Variants in MGAM observed in about 807,000 individuals in gnomAD.
The protein encoded by MGAM is maltase-glucoamylase.
MGAM carries 253 observed loss-of-function variants against 358.8 expected under a neutral mutation model. That is an observed-to-expected ratio of 0.71 (90% CI 0.64 to 0.78). The LOEUF (loss-of-function observed/expected upper bound fraction) is 0.78, where lower values mean the gene tolerates loss of function less well. Ranked by LOEUF, MGAM falls within the 30% of genes least tolerant of loss-of-function variation. MGAM has a pLI of 0.00. For missense variants in MGAM, 3,080 were observed against 3,432.6 expected (o/e 0.90, Z 2.57); for synonymous variants, 1,105 against 1,227.1 (o/e 0.90, Z 2.08).
chr7:142,046,037 A>G (rs1322104190), intron 21 of MGAM, among the ~76,000 whole-genome samples: 2 of 108,528 alleles, frequency 1.8e-5, no homozygotes, highest in African/African-American at 4.8e-5. Context: ...TGTAATATAT[A>G]TTATATATAC....
chr7:142,027,128 G>T lies in MGAM; in HGVS notation c.996G>T (p.Gln332His). 2.5e-6 allele frequency: 4 copies of T among 1,613,164 alleles called. No individual in the cohort carries two copies. Among genetic ancestry groups the T allele is most frequent in the Non-Finnish European group, 3.4e-6 (4 of 1,179,252 alleles). Residue 332 changes from glutamine to histidine, a missense_variant, in exon 9 of 71, where the codon CAG becomes CAT. This residue lies in a region of MGAM where 1,816 missense variants were observed against 1,840.5 expected (regional missense o/e 0.99). Transcript: ENST00000475668. ...TAACCTTTCAAGAGGTTGTCCTTCA[G>T]CCTGCGCCAGCCATCACTTACCGCA... ...MNSNAMEVVL[Q>H]PAPAITYRTI...
chr7:142,057,055 G>A (rs1177223312), intron 30 of MGAM, 113 bp downstream of exon 30: 2 of 924,364 alleles, frequency 2.2e-6, no homozygotes, highest in South Asian at 1.9e-5. Context: ...GGTCTTTCTT[G>A]GAGAGAGATT....
At chr7:142,052,685 T>A in intron 25 of MGAM, 99 bp from the exon 26 acceptor site, 1 of 1,460,692 alleles carries the variant, frequency 6.8e-7, no homozygotes, top group South Asian at 1.3e-5. Flanking sequence ...GATGGGCTAG[T>A]TTTATCGTCA....
chr7:142,045,031 CACGTGTAATATAT>C (rs1809870882), intron 21 of MGAM, among the ~76,000 whole-genome samples: 1 of 86,064 alleles, frequency 1.2e-5, no homozygotes, highest in Non-Finnish European at 2.3e-5. Flanking sequence ...ATATTGTATA[CACGTGTAATATAT>C]GATATATAAT....
At chr7:142,042,785 AAT>A (rs1223437347) in intron 21 of MGAM, among the ~76,000 whole-genome samples, 7 of 78,042 alleles carry the variant, frequency 9.0e-5, no homozygotes, top group East Asian at 7.6e-4. Context: ...ATCTAAATAT[AAT>A]ATATATACAT....
In MGAM at chr7:142,058,433, C is replaced by T. The variant is rs537728183; in HGVS notation, c.3819+105C>T. 2.8e-3 allele frequency: 4,288 copies of T among 1,545,602 alleles called. 5 individuals carry two copies. Among genetic ancestry groups the T allele is most frequent in the Non-Finnish European group, 3.5e-3 (3,985 of 1,147,934 alleles). On this transcript the variant is annotated intron_variant, in intron 31 of 70. Transcript: ENST00000475668. ...TTGGATTCCATAAAGACATAAAGTT[C>T]TTTTTCAGACAATATCACAGTTAGC...
rs202121935 is a variant in MGAM, at chr7:142,096,353, T to G, written c.7630T>G (p.Trp2544Gly). The G allele has an allele frequency of 1.9e-4, 314 of 1,613,712 alleles. No individual in the cohort carries two copies. In the African/African-American group the frequency reaches 3.9e-3, roughly 20 times the overall value. The change falls in exon 65 of 71, where the codon TGG becomes GGG. Residue 2544 changes from tryptophan (W) to glycine (G), a missense_variant. Coordinates refer to ENST00000475668, the MANE Select transcript of MGAM (RefSeq NM_001365693.1). ...LHEFVSDQVT[W>G]DIDSQFLLGP... is the part of the protein sequence containing the mutation. ...CAGGTTTGTGTCAGACCAGGTGACA[T>G]GGGACATAGACAGTCAGTTCCTGCT...
chr7:142,039,995 A>G (rs1437172160), intron 19 of MGAM, 120 bp from the exon 20 acceptor site: 1 of 755,348 alleles, frequency 1.3e-6, no homozygotes, highest in Non-Finnish European at 2.2e-6. Flanking sequence ...GGAGAAGCAG[A>G]AGAAAGGCAT....
At chr7:142,026,974 C>T (rs1554461129) in intron 8 of MGAM, 141 bp from the exon 9 acceptor site, 1 of 612,210 alleles carries the variant, frequency 1.6e-6, no homozygotes, top group Non-Finnish European at 2.9e-6. Context: ...TCAGGGTTTT[C>T]ACTTGGTATT....
intron 57 of MGAM, among the ~76,000 whole-genome samples, chr7:142,089,173 T>A (rs1252892386): frequency 6.9e-6 from 1 of 145,960 alleles, no homozygotes; most frequent in East Asian, 2.0e-4. Flanking sequence ...ATGGGCTTCC[T>A]GACTTTTATC....
intron 3 of MGAM, among the ~76,000 whole-genome samples, chr7:142,015,656 T>A (rs566168926): frequency 6.6e-5 from 10 of 152,242 alleles, no homozygotes; most frequent in Middle Eastern, 3.4e-3. Context: ...TTTTTCTTTC[T>A]TGTCCTCTTG....
intron 37 of MGAM, 149 bp from the exon 38 acceptor site, chr7:142,065,186 A>C: frequency 1.8e-6 from 2 of 1,093,468 alleles, no homozygotes; most frequent in Non-Finnish European, 2.6e-6. Flanking sequence ...ATCTGGGATC[A>C]GTGGAACTCC....
chr7:142,063,177 A>T (rs758996883), intron 35 of MGAM, among the ~76,000 whole-genome samples: 22 of 151,936 alleles, frequency 1.4e-4, no homozygotes, highest in Non-Finnish European at 3.2e-4. Flanking sequence ...CAGCCTGGGA[A>T]ACAAGCATAA....
chr7:142,007,076 G>C (rs1805223640), intron 2 of MGAM, among the ~76,000 whole-genome samples: 1 of 151,938 alleles, frequency 6.6e-6, no homozygotes, highest in Non-Finnish European at 1.5e-5. Flanking sequence ...GTTTGTTCTT[G>C]TTTCAATTTT....
chr7:142,053,032 CATTACCTTTTATTG>C (rs1250820627), intron 26 of MGAM, 48 bp downstream of exon 26: 2 of 1,580,664 alleles, frequency 1.3e-6, no homozygotes, highest in South Asian at 2.2e-5. Flanking sequence ...TTTTCAGTTC[CATTACCTTTTATTG>C]GTCTGGATCA....
chr7:142,095,962 C>T (rs1815869105), intron 64 of MGAM: 1 of 659,246 alleles, frequency 1.5e-6, no homozygotes, highest in Non-Finnish European at 2.5e-6. Context: ...TCTAATTTGG[C>T]TGTGCAAAGG....
intron 15 of MGAM, 100 bp from the exon 16 acceptor site, chr7:142,034,570 G>A (rs1234563590): frequency 1.8e-6 from 2 of 1,119,998 alleles, no homozygotes; most frequent in Non-Finnish European, 2.6e-6. Context: ...GGAAGAGAAT[G>A]GGTTATTCAC....
chr7:142,083,169 T>G (rs10265585), intron 52 of MGAM, 132 bp from the exon 53 acceptor site: 74,560 of 704,588 alleles, frequency 0.11, 14,785 homozygotes, highest in African/African-American at 0.53. Flanking sequence ...TTCTATGTGA[T>G]TATGATAGAA....
chr7:142,031,705 C>G lies in MGAM; in HGVS notation c.1496C>G (p.Pro499Arg). ...GTCTGGCCTGGACAAACTGTGTTTC[C>G]TGATTATACCAATCCCAACTGTGCT... is the stretch of plus-strand genomic sequence containing the variant. The part of the protein sequence containing the change: ...GEVWPGQTVF[P>R]DYTNPNCAVW... Residue 499 changes from proline (P) to arginine (R), a missense_variant, in exon 13 of 71, where the codon CCT becomes CGT. By Grantham distance (103) the Pro-to-Arg change is moderately radical (BLOSUM62 -2). Around this residue, in one of 5 missense-constraint regions of MGAM, gnomAD observed 1,816 missense variants for 1,840.5 expected, o/e 0.99. Coordinates refer to ENST00000475668, the MANE Select transcript of MGAM (RefSeq NM_001365693.1). The G allele has an allele frequency of 6.2e-7, 1 of 1,612,852 alleles. No individual in the cohort carries two copies. Among genetic ancestry groups the G allele is most frequent in the Admixed American group, 1.7e-5 (1 of 59,960 alleles).
Sources: allele counts gnomAD v4.1 joint callset (sites outside exome capture counted in the v4.1 genomes callset), GRCh38; gene constraint gnomAD v4.1.1; regional missense constraint gnomAD v4.1.1; transcripts MANE v1.5; gene names NCBI Gene and HGNC (gene_info 2026-07-23, HGNC 2026-07-21).